The following DDX10 variants were observed in gnomAD, a reference collection of about 807,000 sequenced individuals.
The protein encoded by DDX10 is DEAD-box helicase 10, also known as probable ATP-dependent RNA helicase DDX10.
Under a neutral mutation model 104.3 loss-of-function variants are expected in DDX10, and 74 were observed. The observed-to-expected ratio is 0.71, with a 90% CI of 0.59 to 0.86. DDX10 has a LOEUF of 0.86. DDX10 is among the 40% of genes least tolerant of loss of function. DDX10 has a pLI of 0.00. For missense variants in DDX10, 952 were observed against 1,040.0 expected (o/e 0.92, Z 1.16); for synonymous variants, 351 against 353.4 (o/e 0.99, Z 0.08).
chr11:108,867,831 G>A (rs889474352), intron 16 of DDX10, among the ~76,000 whole-genome samples: 1 of 152,102 alleles, frequency 6.6e-6, no homozygotes, highest in African/African-American at 2.4e-5. Flanking sequence ...AGTGGCAGGG[G>A]CACAGAGCCC....
intron 16 of DDX10, among the ~76,000 whole-genome samples, chr11:108,914,337 T>C (rs1281740099): frequency 6.6e-6 from 1 of 152,124 alleles, no homozygotes; most frequent in Non-Finnish European, 1.5e-5. Context: ...AGTGCAGATC[T>C]CAAAGCCAGC....
chr11:108,901,240 A>G (rs1465949691), intron 16 of DDX10, among the ~76,000 whole-genome samples: 1 of 152,196 alleles, frequency 6.6e-6, no homozygotes, highest in Non-Finnish European at 1.5e-5. Context: ...TGTATTCCCC[A>G]AAGTCCCTTA....
At chr11:108,703,455 G>A (rs142952091) in intron 9 of DDX10, among the ~76,000 whole-genome samples, 1 of 151,794 alleles carries the variant, frequency 6.6e-6, no homozygotes, top group East Asian at 1.9e-4. Context: ...TTGGCCTCTC[G>A]AGTAGCTGGG....
At chr11:108,744,182 C>G (rs948084788) in intron 13 of DDX10, among the ~76,000 whole-genome samples, 5 of 152,246 alleles carry the variant, frequency 3.3e-5, no homozygotes, top group Admixed American at 1.3e-4. Context: ...TTTTCTAGGA[C>G]TCCCTCATTG....
At chr11:108,929,990 A>T (rs979409318) in intron 17 of DDX10, among the ~76,000 whole-genome samples, 1 of 152,184 alleles carries the variant, frequency 6.6e-6, no homozygotes, top group Non-Finnish European at 1.5e-5. Context: ...CAATTGATGA[A>T]CTAATATTGA....
intron 1 of DDX10, among the ~76,000 whole-genome samples, chr11:108,666,498 A>G: frequency 6.6e-6 from 1 of 152,154 alleles, no homozygotes. Flanking sequence ...CAAACAAAAA[A>G]GCCCAGCAAC....
At chr11:108,741,562 T>G (rs998381382) in intron 13 of DDX10, among the ~76,000 whole-genome samples, 7 of 152,132 alleles carry the variant, frequency 4.6e-5, no homozygotes, top group Non-Finnish European at 1.0e-4. Flanking sequence ...TTTTTGTGGT[T>G]GTTTTGGACG....
chr11:108,925,668 T>C (rs1313045296), intron 17 of DDX10, among the ~76,000 whole-genome samples: 1 of 152,226 alleles, frequency 6.6e-6, no homozygotes, highest in Non-Finnish European at 1.5e-5. Context: ...TTAAAATTTT[T>C]AGATTGTACC....
At chr11:108,854,706 G>A (rs182365191) in intron 16 of DDX10, among the ~76,000 whole-genome samples, 31 of 146,444 alleles carry the variant, frequency 2.1e-4, no homozygotes, top group Admixed American at 1.4e-3. Flanking sequence ...TATTATACAA[G>A]GAAGGATATA....
chr11:108,894,002 C>G (rs746899188), intron 16 of DDX10, among the ~76,000 whole-genome samples: 7 of 151,976 alleles, frequency 4.6e-5, no homozygotes, highest in Admixed American at 1.3e-4. Context: ...GTTCCCCTAT[C>G]GAAGTCCACT....
intron 16 of DDX10, among the ~76,000 whole-genome samples, chr11:108,883,925 C>T (rs1170673367): frequency 6.6e-6 from 1 of 152,198 alleles, no homozygotes; most frequent in Non-Finnish European, 1.5e-5. Flanking sequence ...TTCCTAACTT[C>T]TCTTCTACTT....
At chr11:108,719,959 G>T in intron 12 of DDX10, 74 bp downstream of exon 12, 1 of 963,424 alleles carries the variant, frequency 1.0e-6, no homozygotes, top group Non-Finnish European at 1.7e-6. Context: ...TTTAGAGATG[G>T]GGTCTTGCTA....
chr11:108,926,551 A>G (rs187493339), intron 17 of DDX10, among the ~76,000 whole-genome samples: 30 of 152,322 alleles, frequency 2.0e-4, no homozygotes, highest in Non-Finnish European at 4.3e-4. Flanking sequence ...TGAGCCCATC[A>G]ATCTTTTCTT....
At chr11:108,756,346 C>T (rs764320575) in intron 13 of DDX10, among the ~76,000 whole-genome samples, 14 of 151,960 alleles carry the variant, frequency 9.2e-5, no homozygotes, top group Admixed American at 2.6e-4. Flanking sequence ...GTCAAGCTCA[C>T]GGAGATCAAA....
intron 17 of DDX10, among the ~76,000 whole-genome samples, chr11:108,930,376 A>G (rs1863961229): frequency 6.6e-6 from 1 of 152,232 alleles, no homozygotes; most frequent in African/African-American, 2.4e-5. Flanking sequence ...GTATGGATGT[A>G]TCACAGTTTG....
chr11:108,927,769 C>G (rs1454139676), intron 17 of DDX10, among the ~76,000 whole-genome samples: 3 of 152,120 alleles, frequency 2.0e-5, no homozygotes, highest in Non-Finnish European at 4.4e-5. Context: ...TCCCGAGTAG[C>G]TGGGACTACA....
intron 13 of DDX10, among the ~76,000 whole-genome samples, chr11:108,799,779 T>C (rs2134556174): frequency 6.6e-6 from 1 of 152,328 alleles, no homozygotes; most frequent in Admixed American, 6.5e-5. Context: ...GAGAACTTTG[T>C]CTTATTTATT....
chr11:108,671,862 A>G (rs1320401745), intron 1 of DDX10, among the ~76,000 whole-genome samples: 2 of 152,050 alleles, frequency 1.3e-5, no homozygotes, highest in African/African-American at 4.8e-5. Flanking sequence ...GATCAAGACC[A>G]TCCTGGCTAA....
intron 13 of DDX10, among the ~76,000 whole-genome samples, chr11:108,734,736 T>C (rs1398417961): frequency 2.0e-5 from 3 of 152,206 alleles, no homozygotes; most frequent in Non-Finnish European, 2.9e-5. Context: ...ATCTTTATTT[T>C]AAGGTAGTTA....
Sources: allele counts gnomAD v4.1 joint callset (sites outside exome capture counted in the v4.1 genomes callset), GRCh38; gene constraint gnomAD v4.1.1; transcripts MANE v1.5; gene names NCBI Gene and HGNC (gene_info 2026-07-23, HGNC 2026-07-21).